Variants in CNBD1 observed in about 807,000 individuals in gnomAD.
The protein encoded by CNBD1 is cyclic nucleotide-binding domain-containing protein 1.
A neutral mutation model predicts 54.4 loss-of-function variants in CNBD1; 71 were observed. The ratio of observed to expected loss-of-function variants is 1.30; its 90% CI spans 1.08 to 1.59. The LOEUF (loss-of-function observed/expected upper bound fraction) is 1.59. Among genes scored for constraint, CNBD1 ranks in the 40% most tolerant of loss-of-function variants. CNBD1 has a pLI of 0.00. For synonymous variants in CNBD1, 182 were observed against 170.7 expected (o/e 1.07, Z -0.51); for missense variants, 659 against 518.0 (o/e 1.27, Z -2.64).
chr8:87,401,637 C>T (rs1807567363), intron 2 of CNBD1, among the ~76,000 whole-genome samples: 2 of 151,974 alleles, frequency 1.3e-5, no homozygotes, highest in Admixed American at 1.3e-4. Context: ...AATCTGCATC[C>T]ATGCTTAACA....
At chr8:87,371,888 A>G (rs897693253) in intron 10 of CNBD1, among the ~76,000 whole-genome samples, 30 of 152,092 alleles carry the variant, frequency 2.0e-4, no homozygotes, top group African/African-American at 5.5e-4. Context: ...ATCATACTGA[A>G]TGGGCAAAAA....
intron 8 of CNBD1, among the ~76,000 whole-genome samples, chr8:87,290,642 G>A (rs546899660): frequency 6.6e-6 from 1 of 152,166 alleles, no homozygotes; most frequent in Admixed American, 6.6e-5. Flanking sequence ...GTATTTCTTT[G>A]AGGGAGTATA....
intron 8 of CNBD1, among the ~76,000 whole-genome samples, chr8:87,335,110 C>T (rs543420534): frequency 1.3e-5 from 2 of 152,142 alleles, no homozygotes; most frequent in Admixed American, 6.6e-5. Flanking sequence ...TGCTGAGGAG[C>T]GTTTTACTTC....
At chr8:87,384,198 T>A (rs1241129592), downstream of CNBD1, among the ~76,000 whole-genome samples, 1 of 152,112 alleles carries the variant, frequency 6.6e-6, no homozygotes, top group Admixed American at 6.5e-5. Context: ...GGACCCCTGC[T>A]AAATTTGGCT....
chr8:87,356,630 C>A (rs763152747), intron 10 of CNBD1, among the ~76,000 whole-genome samples: 2 of 151,954 alleles, frequency 1.3e-5, no homozygotes, highest in African/African-American at 2.4e-5. Flanking sequence ...GATGACTTAA[C>A]GTTGGAAATT....
At chr8:87,026,013 C>A (rs1809637084) in intron 4 of CNBD1, among the ~76,000 whole-genome samples, 1 of 152,122 alleles carries the variant, frequency 6.6e-6, no homozygotes. Flanking sequence ...AAGAGGAATG[C>A]CATTATGTTT....
intron 3 of CNBD1, among the ~76,000 whole-genome samples, 163 bp from the exon 4 acceptor site, chr8:86,939,433 C>T (rs2130424661): frequency 6.6e-6 from 1 of 152,056 alleles, no homozygotes; most frequent in Non-Finnish European, 1.5e-5. Flanking sequence ...TATAACTGTA[C>T]TATGGAGATT....
chr8:87,425,444 G>A (rs1473987714), intron 2 of CNBD1, among the ~76,000 whole-genome samples: 5 of 152,278 alleles, frequency 3.3e-5, no homozygotes, highest in African/African-American at 1.2e-4. Context: ...CTCCATCTTT[G>A]TGGTTTTATC....
rs549553986 is a variant in CNBD1, at chr8:86,918,034, T to C, written c.272+12840T>C. ...GTACATCTTAGCATTTAAGTAAATT[T>C]TCAATACCACTAATCTATTTAGCTA... On this transcript the variant is annotated intron_variant, in intron 3 of 10. Transcript: ENST00000518476. Among the ~76,000 whole-genome samples the C allele has an allele frequency of 5.3e-5, 8 of 152,316 alleles. No homozygotes were observed. In the East Asian group the frequency reaches 1.4e-3, roughly 26 times the overall value.
intron 4 of CNBD1, among the ~76,000 whole-genome samples, chr8:87,152,986 A>T (rs948299313): frequency 4.6e-5 from 7 of 152,188 alleles, no homozygotes; most frequent in Non-Finnish European, 1.5e-5. Flanking sequence ...TAATTATATT[A>T]GTATGATTTC....
At chr8:87,085,452 TG>T (rs1331199249) in intron 4 of CNBD1, among the ~76,000 whole-genome samples, 2 of 152,104 alleles carry the variant, frequency 1.3e-5, no homozygotes, top group African/African-American at 2.4e-5. Flanking sequence ...TGTCTAGAAG[TG>T]GGGCTAATTT....
chr8:87,144,137 C>G (rs1413862725), intron 4 of CNBD1, among the ~76,000 whole-genome samples: 1 of 152,172 alleles, frequency 6.6e-6, no homozygotes, highest in Non-Finnish European at 1.5e-5. Flanking sequence ...TATAGAGAAG[C>G]TGAATTTGAA....
intron 5 of CNBD1, among the ~76,000 whole-genome samples, chr8:87,215,310 C>T (rs1385046495): frequency 6.6e-6 from 1 of 152,042 alleles, no homozygotes; most frequent in African/African-American, 2.4e-5. Flanking sequence ...ATAGTGGTTG[C>T]CACCTTTGGG....
intron 5 of CNBD1, among the ~76,000 whole-genome samples, chr8:87,230,427 A>G (rs1240274955): frequency 6.6e-6 from 1 of 152,242 alleles, no homozygotes; most frequent in African/African-American, 2.4e-5. Flanking sequence ...TACATTTTAT[A>G]CATACACATC....
chr8:87,352,477 T>C (rs1219971545), intron 9 of CNBD1, among the ~76,000 whole-genome samples: 2 of 23,596 alleles, frequency 8.5e-5, no homozygotes, highest in African/African-American at 4.3e-4. Context: ...AGACTCTGTC[T>C]CAAAAAAAAA....
chr8:87,108,906 C>T (rs1243387006), intron 4 of CNBD1, among the ~76,000 whole-genome samples: 1 of 152,122 alleles, frequency 6.6e-6, no homozygotes, highest in Non-Finnish European at 1.5e-5. Flanking sequence ...ATGGCCTCTA[C>T]TAGAACAAAA....
chr8:87,399,807 G>A (rs1208253312), intron 2 of CNBD1, among the ~76,000 whole-genome samples: 1 of 151,890 alleles, frequency 6.6e-6, no homozygotes, highest in Non-Finnish European at 1.5e-5. Context: ...AACTCAACTG[G>A]TGAAAAAGTA....
intron 4 of CNBD1, among the ~76,000 whole-genome samples, chr8:87,009,891 C>T (rs1586195939): frequency 6.6e-6 from 1 of 152,144 alleles, no homozygotes; most frequent in Non-Finnish European, 1.5e-5. Context: ...AAGATGTCAG[C>T]CTACCATCTT....
intron 4 of CNBD1, among the ~76,000 whole-genome samples, chr8:87,103,415 A>T (rs1239896435): frequency 6.6e-6 from 1 of 152,226 alleles, no homozygotes; most frequent in Non-Finnish European, 1.5e-5. Flanking sequence ...GAGAAAGATG[A>T]TTGTATTAGT....
Sources: gnomAD v4.1 joint callset for allele counts (sites outside exome capture counted in the v4.1 genomes callset) on GRCh38, gnomAD v4.1.1 for gene constraint, MANE v1.5 for transcripts, NCBI Gene and HGNC (gene_info 2026-07-23, HGNC 2026-07-21) for gene names.